Variants in SNAP91 observed in about 807,000 individuals in gnomAD.
SNAP91 encodes clathrin coat assembly protein AP180.
In SNAP91, 27 loss-of-function variants were observed where a neutral mutation model predicts 100.3. The observed-to-expected ratio is 0.27, with a 90% confidence interval of 0.20 to 0.37. SNAP91 has a LOEUF of 0.37. Among genes scored for constraint, SNAP91 ranks in the 10% least tolerant of loss-of-function variants. SNAP91 has a pLI of 1.00. For synonymous variants in SNAP91, 404 were observed against 398.6 expected (o/e 1.01, Z -0.16); for missense variants, 986 against 1,123.7 (o/e 0.88, Z 1.75).
In SNAP91 at chr6:83,657,134, C is replaced by CA. The variant is rs1158543451; in HGVS notation, c.547-270dup. On this transcript the variant is annotated intron_variant, in intron 6 of 29. Coordinates refer to ENST00000369694, the MANE Select transcript of SNAP91 (RefSeq NM_001242792.2). ...TATATAGATTAATCCATAGATTATT[C>CA]AAATTTAACTTTTGAAAATCTGGTG... Among the ~76,000 whole-genome samples, 4 of 152,202 alleles carry CA rather than the reference C, an allele frequency of 2.6e-5. No individual in the cohort carries two copies. The East Asian group carries it at 7.7e-4, about 29-fold the overall frequency.
intron 8 of SNAP91, 87 bp from the exon 9 acceptor site, chr6:83,623,429 A>C (rs2096808918): frequency 2.2e-6 from 2 of 895,112 alleles, no homozygotes; most frequent in Non-Finnish European, 3.6e-6. Context: ...AATTAGTTTA[A>C]ACAGCTCAAT....
chr6:83,597,094 CTT>C lies in SNAP91; in HGVS notation c.1325-2615_1325-2614del, dbSNP rs138342376. ...CAAGATATCTCCTTTTAATTCTTCT[CTT>C]GTTACTTGAAACTAAATATTATCAA... On this transcript the variant is annotated intron_variant, in intron 16 of 29. Coordinates refer to ENST00000369694, the MANE Select transcript of SNAP91 (RefSeq NM_001242792.2). Among the ~76,000 whole-genome samples the C allele has an allele frequency of 3.6e-3, 547 of 152,290 alleles. 3 individuals are homozygous for C. The highest frequency in any genetic ancestry group is 0.013 in the African/African-American group (521 of 41,572).
chr6:83,632,248 TA>T (rs1305893504), intron 8 of SNAP91, among the ~76,000 whole-genome samples: 2 of 152,142 alleles, frequency 1.3e-5, no homozygotes, highest in Non-Finnish European at 2.9e-5. Flanking sequence ...GGTATAGTTA[TA>T]CCTTTAAAGG....
chr6:83,665,620 T>A, intron 2 of SNAP91, 39 bp from the exon 3 acceptor site: 2 of 1,573,442 alleles, frequency 1.3e-6, no homozygotes, highest in South Asian at 1.1e-5. Flanking sequence ...ATATTAACAA[T>A]TACATGCAAA....
chr6:83,652,749 C>T (rs934052072), intron 7 of SNAP91, among the ~76,000 whole-genome samples: 7 of 152,254 alleles, frequency 4.6e-5, no homozygotes, highest in Admixed American at 2.0e-4. Context: ...CTTCTCCCTA[C>T]AAAACTTCTT....
intron 2 of SNAP91, among the ~76,000 whole-genome samples, chr6:83,674,060 G>A (rs1332894418): frequency 6.6e-6 from 1 of 152,080 alleles, no homozygotes; most frequent in Non-Finnish European, 1.5e-5. Flanking sequence ...CATGTTTTTT[G>A]TTTGTTTGTT....
chr6:83,563,958 T>C (rs1479818431), intron 26 of SNAP91, among the ~76,000 whole-genome samples: 3 of 152,186 alleles, frequency 2.0e-5, no homozygotes, highest in African/African-American at 7.2e-5. Flanking sequence ...ATGAAATCCC[T>C]ATCAAAATTT....
At chr6:83,631,123 T>G (rs1483402589) in intron 8 of SNAP91, among the ~76,000 whole-genome samples, 1 of 152,176 alleles carries the variant, frequency 6.6e-6, no homozygotes, top group Non-Finnish European at 1.5e-5. Flanking sequence ...GGGCAGGTTA[T>G]TTAATTTCCA....
At chr6:83,589,373 A>C (rs1237425808) in intron 22 of SNAP91, among the ~76,000 whole-genome samples, 2 of 152,196 alleles carry the variant, frequency 1.3e-5, no homozygotes, top group Admixed American at 6.5e-5. Flanking sequence ...GATGTTCTTT[A>C]GTGAGAATAT....
chr6:83,589,650 G>C (rs553402347), intron 22 of SNAP91, among the ~76,000 whole-genome samples: 3 of 152,256 alleles, frequency 2.0e-5, no homozygotes, highest in African/African-American at 7.2e-5. Context: ...TAGTAGTCAG[G>C]AAAGGATGGG....
At position 83,603,648 on chromosome 6, in the gene SNAP91, A is replaced by G. The variant is rs560409152; in HGVS notation, c.1141+2037T>C. Among the ~76,000 whole-genome samples, 29 of 152,294 alleles carry G rather than the reference A, an allele frequency of 1.9e-4. 1 individual carries two copies. The highest frequency in any genetic ancestry group is 7.0e-4 in the African/African-American group (29 of 41,586). On this transcript the variant is annotated intron_variant, in intron 14 of 29. Coordinates refer to ENST00000369694, the MANE Select transcript of SNAP91 (RefSeq NM_001242792.2). ...TATAATATCTTAAAAAGAAGAAAAA[A>G]AAAAGGTACTCCCTGTAGTGAGACA...
chr6:83,670,665 C>T (rs1331999721), intron 2 of SNAP91, among the ~76,000 whole-genome samples: 2 of 151,946 alleles, frequency 1.3e-5, no homozygotes, highest in East Asian at 3.9e-4. Flanking sequence ...GTCAATAATA[C>T]ATTGTTAGTT....
chr6:83,562,231 C>T (rs1448199652), intron 26 of SNAP91, among the ~76,000 whole-genome samples: 1 of 152,038 alleles, frequency 6.6e-6, no homozygotes, highest in East Asian at 1.9e-4. Context: ...AAATCACAAA[C>T]AAAAGAAAAC....
At chr6:83,703,447 C>T (rs1202932657) in intron 2 of SNAP91, among the ~76,000 whole-genome samples, 1 of 152,100 alleles carries the variant, frequency 6.6e-6, no homozygotes, top group African/African-American at 2.4e-5. Context: ...TTACTAAGCA[C>T]ATTTATGCAA....
intron 8 of SNAP91, among the ~76,000 whole-genome samples, chr6:83,625,225 C>G (rs1015272475): frequency 6.6e-6 from 1 of 152,096 alleles, no homozygotes; most frequent in Non-Finnish European, 1.5e-5. Context: ...TGATTTCATT[C>G]TTTTTTATGG....
At chr6:83,697,569 C>A (rs2099235444) in intron 2 of SNAP91, among the ~76,000 whole-genome samples, 1 of 151,886 alleles carries the variant, frequency 6.6e-6, no homozygotes, top group East Asian at 1.9e-4. Context: ...TGATTTTCCC[C>A]AGATTAAATC....
intron 7 of SNAP91, among the ~76,000 whole-genome samples, chr6:83,656,426 C>T (rs140746262): frequency 6.6e-6 from 1 of 152,020 alleles, no homozygotes; most frequent in South Asian, 2.1e-4. Context: ...TTGGCCAACA[C>T]CCTGGATCAA....
intron 2 of SNAP91, among the ~76,000 whole-genome samples, chr6:83,694,105 A>G (rs767430703): frequency 6.6e-6 from 1 of 152,210 alleles, no homozygotes; most frequent in Non-Finnish European, 1.5e-5. Flanking sequence ...AAAAAACTAT[A>G]ATCTAATTTC....
intron 6 of SNAP91, among the ~76,000 whole-genome samples, chr6:83,657,694 A>T (rs187769386): frequency 7.8e-4 from 119 of 152,334 alleles, no homozygotes; most frequent in African/African-American, 2.8e-3. Flanking sequence ...CTACCAAAAT[A>T]CAAAAAGGCT....
Sources: allele counts gnomAD v4.1 joint callset (sites outside exome capture counted in the v4.1 genomes callset), GRCh38; gene constraint gnomAD v4.1.1; transcripts MANE v1.5; gene names NCBI Gene and HGNC (gene_info 2026-07-23, HGNC 2026-07-21).